The following PAX5 variants were observed in gnomAD, a reference collection of about 807,000 sequenced individuals.
PAX5 encodes the protein paired box 5.
In PAX5, 9 loss-of-function variants were observed where a neutral mutation model predicts 43.7. The observed-to-expected ratio is 0.21, with a 90% CI of 0.12 to 0.36. The LOEUF is 0.36. PAX5 is among the 10% of genes least tolerant of loss of function. The probability of loss-of-function intolerance (pLI) is 1.00; values close to 1 mark genes in which losing one functional copy is unlikely to be tolerated. For missense variants in PAX5, 383 were observed against 532.7 expected (o/e 0.72, Z 2.77); for synonymous variants, 228 against 214.3 (o/e 1.06, Z -0.56).
chr9:36,984,985 C>T (rs1836273416), intron 5 of PAX5, among the ~76,000 whole-genome samples: 1 of 152,180 alleles, frequency 6.6e-6, no homozygotes, highest in African/African-American at 2.4e-5. Flanking sequence ...CTTCAGAGGC[C>T]ATCATCTCCA....
chr9:36,892,937 G>A (rs1369169031), intron 7 of PAX5, among the ~76,000 whole-genome samples: 1 of 152,192 alleles, frequency 6.6e-6, no homozygotes, highest in Non-Finnish European at 1.5e-5. Context: ...GCGGATAGAG[G>A]AATTAAAATG....
At chr9:36,929,419 G>C (rs951417347) in intron 6 of PAX5, among the ~76,000 whole-genome samples, 4 of 152,200 alleles carry the variant, frequency 2.6e-5, no homozygotes, top group Admixed American at 1.3e-4. Context: ...GAGTGGCGGG[G>C]TGCAGAGGTA....
chr9:36,848,926 T>C (rs1186180298), intron 8 of PAX5, among the ~76,000 whole-genome samples: 1 of 152,324 alleles, frequency 6.6e-6, no homozygotes, highest in African/African-American at 2.4e-5. Context: ...AATTCCTTCA[T>C]AGGATGTGCC....
chr9:36,992,856 G>T (rs1378312073), intron 5 of PAX5, among the ~76,000 whole-genome samples: 1 of 152,242 alleles, frequency 6.6e-6, no homozygotes, highest in East Asian at 1.9e-4. Flanking sequence ...AGGGAGCCCT[G>T]CCAGGGTTGG....
rs151121500 is a variant in PAX5, at chr9:36,935,683, G to A, written c.781-12199C>T. ...AATTTTAGTAAGCCCCAAATCTCAG[G>A]GTCTAATGGAGCTCAGGAGTGCTGT... On this transcript the variant is annotated intron_variant, in intron 6 of 9. Transcript: ENST00000358127. Among the ~76,000 whole-genome samples the A allele has an allele frequency of 1.3e-4, 20 of 152,306 alleles. No homozygotes were observed. The East Asian group carries it at 2.7e-3, about 21-fold the overall frequency.
At position 36,947,797 on chromosome 9, in the gene PAX5, C is replaced by T. The variant is rs573015280; in HGVS notation, c.780+18752G>A. Among the ~76,000 whole-genome samples, 365 of 151,650 alleles carry T rather than the reference C, an allele frequency of 2.4e-3. 2 individuals carry two copies. Among genetic ancestry groups the T allele is most frequent in the African/African-American group, 8.4e-3 (348 of 41,270 alleles). ...CTCACACTTTGGCCACCTGAAACTA[C>T]TCTCCCTTTCCCAGACTGAACGCAT... is the stretch of plus-strand genomic sequence containing the variant. On this transcript the variant is annotated intron_variant, in intron 6 of 9. Coordinates refer to ENST00000358127, the MANE Select transcript of PAX5 (RefSeq NM_016734.3).
At chr9:37,002,429 C>T (rs1405575804) in intron 5 of PAX5, among the ~76,000 whole-genome samples, 1 of 152,238 alleles carries the variant, frequency 6.6e-6, no homozygotes, top group East Asian at 1.9e-4. Context: ...ATGGGGGAGG[C>T]CAGCAAGAAT....
At chr9:37,008,539 C>G (rs1050134403) in intron 3 of PAX5, among the ~76,000 whole-genome samples, 1 of 152,232 alleles carries the variant, frequency 6.6e-6, no homozygotes, top group Non-Finnish European at 1.5e-5. Flanking sequence ...GCAGTAGCCT[C>G]TCTGCCCTTT....
intron 6 of PAX5, among the ~76,000 whole-genome samples, chr9:36,966,250 C>A (rs1834420863): frequency 2.0e-5 from 3 of 152,212 alleles, no homozygotes; most frequent in Non-Finnish European, 4.4e-5. Flanking sequence ...AAGATCATTA[C>A]ACCCTTCTGT....
chr9:36,891,802 C>A (rs1341267284), intron 7 of PAX5, among the ~76,000 whole-genome samples: 1 of 152,178 alleles, frequency 6.6e-6, no homozygotes, highest in East Asian at 1.9e-4. Flanking sequence ...GACTGACCTC[C>A]TTCTAATTGC....
chr9:36,991,883 C>T (rs1456156255), intron 5 of PAX5, among the ~76,000 whole-genome samples: 3 of 152,208 alleles, frequency 2.0e-5, no homozygotes, highest in African/African-American at 7.2e-5. Context: ...AATTTTGCTA[C>T]AAGCAATGTG....
At position 37,020,622 on chromosome 9, in the gene PAX5, G is replaced by T; in HGVS notation, c.212+14C>A. On this transcript the variant is annotated intron_variant, in intron 2 of 9. Coordinates refer to ENST00000358127, the MANE Select transcript of PAX5 (RefSeq NM_016734.3). Reference sequence around the variant, plus strand: ...TTTGAAAGATCAAGGGAAGCCTCGAGCTACTGCCTTTACCTGCCAAGAATT... The same window carrying T: ...TTTGAAAGATCAAGGGAAGCCTCGATCTACTGCCTTTACCTGCCAAGAATT... The T allele has an allele frequency of 6.2e-7, 1 of 1,613,736 alleles. No homozygotes were observed. The highest frequency in any genetic ancestry group is 8.5e-7 in the Non-Finnish European group (1 of 1,179,614).
intron 5 of PAX5, among the ~76,000 whole-genome samples, chr9:37,002,131 C>T (rs1050166906): frequency 6.6e-5 from 10 of 152,006 alleles, no homozygotes; most frequent in African/African-American, 2.4e-4. Context: ...TCCTCAGCAC[C>T]GCCCCCCAAC....
intron 8 of PAX5, among the ~76,000 whole-genome samples, chr9:36,866,662 T>G (rs1824914967): frequency 1.3e-5 from 2 of 152,036 alleles, no homozygotes; most frequent in South Asian, 4.2e-4. Flanking sequence ...TTTTTATTGC[T>G]TCGGTGAGGA....
intron 3 of PAX5, among the ~76,000 whole-genome samples, chr9:37,011,500 C>A (rs1269049866): frequency 2.6e-5 from 4 of 152,112 alleles, no homozygotes; most frequent in African/African-American, 9.7e-5. Context: ...AGAAGGAAGA[C>A]CCCATTCAAC....
chr9:36,862,178 A>G (rs796404415), intron 8 of PAX5, among the ~76,000 whole-genome samples: 15 of 152,272 alleles, frequency 9.9e-5, no homozygotes, highest in African/African-American at 3.1e-4. Context: ...CACAAAAGCC[A>G]TAAAAATGGG....
intron 8 of PAX5, among the ~76,000 whole-genome samples, chr9:36,881,416 C>T (rs1244386153): frequency 3.3e-5 from 5 of 152,102 alleles, no homozygotes; most frequent in Non-Finnish European, 7.4e-5. Context: ...CACACCACCC[C>T]ACAATGTAAG....
At chr9:36,992,457 C>T (rs939831091) in intron 5 of PAX5, among the ~76,000 whole-genome samples, 35 of 152,156 alleles carry the variant, frequency 2.3e-4, no homozygotes, top group African/African-American at 7.0e-4. Flanking sequence ...TCGGGTGGCA[C>T]GAGCTGGCTG....
At chr9:36,942,171 AG>A in intron 6 of PAX5, among the ~76,000 whole-genome samples, 1 of 152,306 alleles carries the variant, frequency 6.6e-6, no homozygotes, top group South Asian at 2.1e-4. Flanking sequence ...CTCCTAGGTC[AG>A]GCCTATAACT....
Sources: allele counts gnomAD v4.1 joint callset (sites outside exome capture counted in the v4.1 genomes callset), GRCh38; gene constraint gnomAD v4.1.1; transcripts MANE v1.5; gene names NCBI Gene and HGNC (gene_info 2026-07-23, HGNC 2026-07-21).